Variants in MTA1 observed in about 807,000 individuals in gnomAD.
MTA1 encodes the protein metastasis-associated protein MTA1.
Under a neutral mutation model 97.0 loss-of-function variants are expected in MTA1, and 15 were observed. The observed-to-expected ratio is 0.15, with a 90% CI of 0.10 to 0.24. The LOEUF (loss-of-function observed/expected upper bound fraction) is 0.24, where lower values mean the gene tolerates loss of function less well. Among genes scored for constraint, MTA1 ranks in the 10% least tolerant of loss-of-function variants. The pLI is 1.00. For synonymous variants in MTA1, 435 were observed against 417.5 expected (o/e 1.04, Z -0.51); for missense variants, 709 against 1,015.1 (o/e 0.70, Z 4.10).
intron 6 of MTA1, among the ~76,000 whole-genome samples, chr14:105,452,134 A>G (rs1331592612): frequency 6.6e-6 from 1 of 152,196 alleles, no homozygotes; most frequent in Non-Finnish European, 1.5e-5. Context: ...AACAGCCCCA[A>G]TATGGGAATT....
intron 4 of MTA1, 82 bp from the exon 5 acceptor site, chr14:105,449,976 C>T (rs782065493): frequency 4.5e-5 from 72 of 1,585,558 alleles, no homozygotes; most frequent in Non-Finnish European, 5.6e-5. Context: ...TGCGTGCTGG[C>T]GCCAGGTGGG....
At chr14:105,466,945 TCGGCCCC>T in intron 18 of MTA1, 1 of 604,842 alleles carries the variant, frequency 1.7e-6, no homozygotes, top group Non-Finnish European at 2.9e-6. Flanking sequence ...CATCTGGCCC[TCGGCCCC>T]CTGGCCCCGC....
At position 105,458,379 on chromosome 14, in the gene MTA1, C is replaced by T. The variant is rs1176605815; in HGVS notation, c.653+7C>T. ...AGTTCCTGGTGGTGGCCCGGTGAGT[C>T]CTGCTCCTGGGCAAGGCCAGCAGGG... On this transcript the variant is annotated splice_region_variant and intron_variant, in intron 8 of 20. Coordinates refer to ENST00000331320, the MANE Select transcript of MTA1 (RefSeq NM_004689.4). 1.9e-6 allele frequency: 3 copies of T among 1,611,838 alleles called. No individual in the cohort carries two copies. The highest frequency in any genetic ancestry group is 2.5e-6 in the Non-Finnish European group (3 of 1,179,318).
chr14:105,453,688 G>A (rs2083031740), intron 6 of MTA1, among the ~76,000 whole-genome samples: 1 of 152,060 alleles, frequency 6.6e-6, no homozygotes, highest in Non-Finnish European at 1.5e-5. Flanking sequence ...GTGGGCACCT[G>A]TAATCCCAGC....
rs199943207 is a variant in MTA1 at position 105,445,432 on chromosome 14, C to T, written c.111C>T (p.Asn37=). ...TGCTGTTACAGACGGCCAATGGGAACGTGGAGGCCAAAGTGGTGTGCTTCT... is the reference window on the plus strand; with the variant it reads ...TGCTGTTACAGACGGCCAATGGGAATGTGGAGGCCAAAGTGGTGTGCTTCT... ...IEELNKTANG[N]VEAKVVCFYR... The change falls in exon 3 of 21, where the codon AAC becomes AAT. Residue 37 remains asparagine (N), a synonymous_variant. Coordinates refer to ENST00000331320, the MANE Select transcript of MTA1 (RefSeq NM_004689.4). The T allele has an allele frequency of 1.8e-5, 29 of 1,613,658 alleles. 1 individual carries two copies. Among genetic ancestry groups the T allele is most frequent in the Middle Eastern group, 1.6e-4 (1 of 6,084 alleles).
intron 1 of MTA1, among the ~76,000 whole-genome samples, chr14:105,430,455 T>C (rs1212536803): frequency 6.6e-6 from 1 of 152,144 alleles, no homozygotes; most frequent in Non-Finnish European, 1.5e-5. Flanking sequence ...CGAGGAGCAA[T>C]GACCACAGAT....
chr14:105,463,043 T>C lies in MTA1; in HGVS notation c.943-141T>C. 1 of 788,182 alleles carries C rather than the reference T, an allele frequency of 1.3e-6. No homozygotes were observed. Among genetic ancestry groups the C allele is most frequent in the Non-Finnish European group, 2.1e-6 (1 of 475,672 alleles). 48.8% of individuals were successfully genotyped at this position (788,182 alleles called of 1,614,324 possible). The stretch of plus-strand genomic sequence containing the variant: ...CTGCACCTGCCTGCCAGCAGGGGCC[T>C]GGCCTCCGTGCACCAAGCACACCTC... On this transcript the variant is annotated intron_variant, in intron 10 of 20. Transcript: ENST00000331320. The surrounding 1 kb of genome is among the most constrained non-coding windows in gnomAD (Gnocchi z 5.9).
chr14:105,469,340 G>T (rs1435101929), intron 18 of MTA1, 127 bp from the exon 19 acceptor site: 8 of 1,060,758 alleles, frequency 7.5e-6, no homozygotes, highest in Non-Finnish European at 8.7e-6. Flanking sequence ...CATCCTGGGT[G>T]TGGGCTGTGG....
At position 105,463,461 on chromosome 14, in the gene MTA1, T is replaced by G; in HGVS notation, c.1018-32T>G. On this transcript the variant is annotated intron_variant, in intron 11 of 20. Coordinates refer to ENST00000331320, the MANE Select transcript of MTA1 (RefSeq NM_004689.4). This position sits in a 1 kb window ranked among gnomAD's most constrained non-coding sequence, Gnocchi z 5.9. ...CTGCAGCCCCAACCTGGGCCTAGCC[T>G]GCTGACCTCTGACCTTCTCTTTTGT... The G allele has an allele frequency of 6.2e-7, 1 of 1,612,450 alleles. No homozygotes were observed. The highest frequency in any genetic ancestry group is 8.5e-7 in the Non-Finnish European group (1 of 1,179,368).
chr14:105,450,017 T>G (rs2082861611), intron 4 of MTA1, 41 bp from the exon 5 acceptor site: 1 of 1,612,444 alleles, frequency 6.2e-7, no homozygotes, highest in East Asian at 2.2e-5. Context: ...TCTGGCAGTG[T>G]GCGTCTGCCG....
rs1555431709 is a variant in MTA1 at position 105,464,014 on chromosome 14, C to T, written c.1077-18C>T. On this transcript the variant is annotated intron_variant, in intron 12 of 20. Transcript: ENST00000331320. ...TGTGCTCCTGCAACTCCTCTCGTCT[C>T]TCCTTTCCCTCTTTAAGTAACAAGC... 5 of 1,611,686 alleles carry T rather than the reference C, an allele frequency of 3.1e-6. No homozygotes were observed. Among genetic ancestry groups the T allele is most frequent in the Non-Finnish European group, 4.2e-6 (5 of 1,179,278 alleles).
chr14:105,434,869 C>CT (rs2082284207), intron 1 of MTA1, among the ~76,000 whole-genome samples: 2 of 152,262 alleles, frequency 1.3e-5, no homozygotes, highest in Middle Eastern at 3.4e-3. Flanking sequence ...GTTTCAATAG[C>CT]TTTTTTTGTA....
At chr14:105,466,249 TC>T (rs1555432755) in intron 16 of MTA1, 176 bp from the exon 17 acceptor site, 2 of 606,274 alleles carry the variant, frequency 3.3e-6, no homozygotes, top group African/African-American at 3.8e-5. Context: ...CTTCTGGGCT[TC>T]TGGTTCTGTG....
rs1028680897 is a variant in MTA1 at position 105,424,343 on chromosome 14, G to A, written c.28+4280G>A. ...CAAGTAGCTGGGACTACAGGCGCCC[G>A]CCACCATGCCTGGCTAATGTTTTGT... On this transcript the variant is annotated intron_variant, in intron 1 of 20. Coordinates refer to ENST00000331320, the MANE Select transcript of MTA1 (RefSeq NM_004689.4). This position sits in a 1 kb window ranked among gnomAD's most constrained non-coding sequence, Gnocchi z 4.0. 5.9e-5 allele frequency among the ~76,000 whole-genome samples: 9 copies of A among 151,362 alleles called. No homozygotes were observed. Among genetic ancestry groups the A allele is most frequent in the Non-Finnish European group, 1.0e-4 (7 of 67,932 alleles).
chr14:105,438,725 G>A lies in MTA1; in HGVS notation c.82G>A (p.Glu28Lys). 1.2e-6 allele frequency: 2 copies of A among 1,612,996 alleles called. No homozygotes were observed. Among genetic ancestry groups the A allele is most frequent in the Non-Finnish European group, 1.7e-6 (2 of 1,179,864 alleles). Residue 28 changes from glutamate (E) to lysine (K), a missense_variant, in exon 2 of 21, where the codon GAG (glutamate) becomes AAG (lysine). Physicochemically the swap from Glu to Lys is moderately conservative, Grantham distance 56. This residue lies in a region of MTA1 where 321 missense variants were observed against 593.5 expected (regional missense o/e 0.54). Coordinates refer to ENST00000331320, the MANE Select transcript of MTA1 (RefSeq NM_004689.4). ...CAACCCATACCTGATCCGGAGAATC[G>A]AGGAGCTCAACAAGGTACTGGGGGG... ...SSNPYLIRRI[E>K]ELNKTANGNV...
chr14:105,446,060 C>T (rs2082708113), intron 3 of MTA1, among the ~76,000 whole-genome samples: 1 of 152,142 alleles, frequency 6.6e-6, no homozygotes, highest in South Asian at 2.1e-4. Flanking sequence ...TGGGAATGCC[C>T]TCAGCCTTGG....
chr14:105,461,097 G>A, intron 10 of MTA1, 144 bp downstream of exon 10: 1 of 875,692 alleles, frequency 1.1e-6, no homozygotes, highest in Non-Finnish European at 1.7e-6. Flanking sequence ...CATGAGTTCT[G>A]TCTCAGCTGC....
chr14:105,458,195 G>A (rs989712291), intron 7 of MTA1, 75 bp from the exon 8 acceptor site: 12 of 1,299,578 alleles, frequency 9.2e-6, no homozygotes, highest in East Asian at 4.8e-5. Flanking sequence ...GCAGCTCCCC[G>A]CACCCGGGGA....
At chr14:105,437,028 G>C (rs1053013847) in intron 1 of MTA1, among the ~76,000 whole-genome samples, 69 of 152,236 alleles carry the variant, frequency 4.5e-4, no homozygotes, top group African/African-American at 1.5e-3. Context: ...GTGTCCCCCG[G>C]GCACCGTGGC....
Sources: allele counts gnomAD v4.1 joint callset (sites outside exome capture counted in the v4.1 genomes callset), GRCh38; gene constraint gnomAD v4.1.1; regional missense constraint gnomAD v4.1.1; non-coding constraint Gnocchi (gnomAD v3.1); transcripts MANE v1.5; gene names NCBI Gene and HGNC (gene_info 2026-07-23, HGNC 2026-07-21).